Variants in CLGN observed in about 807,000 individuals in gnomAD.
CLGN encodes testis tissue sperm-binding protein Li 79P.
Under a neutral mutation model 79.1 loss-of-function variants are expected in CLGN, and 62 were observed. The observed-to-expected ratio is 0.78, with a 90% CI of 0.64 to 0.97. The LOEUF is 0.97. CLGN is among the 50% of genes least tolerant of loss of function. The pLI is 0.00. For missense variants in CLGN, 647 were observed against 715.5 expected (o/e 0.90, Z 1.09); for synonymous variants, 225 against 224.7 (o/e 1.00, Z -0.01).
chr4:140,416,391 CA>C (rs1729331675), intron 1 of CLGN, among the ~76,000 whole-genome samples: 1 of 141,102 alleles, frequency 7.1e-6, no homozygotes, highest in Non-Finnish European at 1.6e-5. Flanking sequence ...AAAAACCCTT[CA>C]AAAAATTAAT....
intron 10 of CLGN, among the ~76,000 whole-genome samples, chr4:140,395,160 T>G (rs1318479169): frequency 1.9e-4 from 5 of 25,794 alleles, no homozygotes; most frequent in Admixed American, 1.1e-3. Context: ...TGTTTTTTTG[T>G]TTTTTTGTTT....
At chr4:140,425,606 C>T (rs1729551124) in intron 1 of CLGN, among the ~76,000 whole-genome samples, 1 of 145,450 alleles carries the variant, frequency 6.9e-6, no homozygotes, top group Admixed American at 6.9e-5. Context: ...GTTTCTGTGA[C>T]ACATTTTTGT....
intron 14 of CLGN, 88 bp from the exon 15 acceptor site, chr4:140,389,392 A>T: frequency 1.1e-6 from 1 of 927,068 alleles, no homozygotes; most frequent in Non-Finnish European, 1.7e-6. Context: ...ATTCTCTAAA[A>T]TATATGTGCT....
In CLGN at chr4:140,392,220, TTTTTCA is replaced by T. The variant is rs1344374787; in HGVS notation, c.1644_1649del (p.Lys550_Glu551del). ...TATAAATCACTCTCATCATCTTACCTTTTTCAAGCATTTCACCATCATTTTGCTTTT... is the reference window on the plus strand; with the variant it reads ...TATAAATCACTCTCATCATCTTACCTAGCATTTCACCATCATTTTGCTTTT... On this transcript the variant is annotated inframe_deletion and splice_region_variant, in exon 13 of 15. Coordinates refer to ENST00000325617, the MANE Select transcript of CLGN (RefSeq NM_004362.3). 2 of 1,611,868 alleles carry T rather than the reference TTTTTCA, an allele frequency of 1.2e-6. No individual in the cohort carries two copies. The highest frequency in any genetic ancestry group is 1.7e-6 in the Non-Finnish European group (2 of 1,179,158).
chr4:140,410,029 G>GCATCTAAGT, intron 3 of CLGN, 134 bp from the exon 4 acceptor site: 1 of 564,322 alleles, frequency 1.8e-6, no homozygotes, highest in Non-Finnish European at 3.1e-6. Context: ...TTCATACTTA[G>GCATCTAAGT]ATGCTAAATA....
At chr4:140,395,635 T>C (rs1728858786) in intron 10 of CLGN, among the ~76,000 whole-genome samples, 184 bp downstream of exon 10, 1 of 152,190 alleles carries the variant, frequency 6.6e-6, no homozygotes, top group African/African-American at 2.4e-5. Context: ...GTGATTTATT[T>C]CCCCAGAAAA....
intron 6 of CLGN, among the ~76,000 whole-genome samples, chr4:140,401,145 C>T: frequency 6.6e-6 from 1 of 152,174 alleles, no homozygotes; most frequent in Non-Finnish European, 1.5e-5. Context: ...ACCTCCATTT[C>T]ATCACCTCTG....
chr4:140,398,178 A>G (rs1578595244), intron 8 of CLGN, among the ~76,000 whole-genome samples: 1 of 151,974 alleles, frequency 6.6e-6, no homozygotes, highest in Non-Finnish European at 1.5e-5. Flanking sequence ...TTCTTTTAGT[A>G]CTTTGTAAAA....
Position 140,410,556 on chromosome 4 carries a change from G to A in CLGN, c.215C>T (p.Ala72Val), listed in dbSNP as rs1729191091. 1 of 1,594,060 alleles carries A rather than the reference G, an allele frequency of 6.3e-7. No individual in the cohort carries two copies. ...FAETFDSGRL[A>V]GWVLSKAKKD... ...ATTCTCTTGAATGAATACTCACCCA[G>A]CCAACCTTCCACTATCAAAAGTTTC... Residue 72 changes from alanine to valine, a missense_variant, in exon 3 of 15, where the codon GCT becomes GTT. Physicochemically the swap from Ala to Val is moderately conservative, Grantham distance 64. Transcript: ENST00000325617.
intron 4 of CLGN, among the ~76,000 whole-genome samples, chr4:140,409,300 G>C (rs1392628966): frequency 6.6e-6 from 1 of 151,966 alleles, no homozygotes; most frequent in Non-Finnish European, 1.5e-5. Context: ...TCCTATTAGG[G>C]AAGACAATAT....
At chr4:140,412,235 T>C (rs888953318) in intron 2 of CLGN, among the ~76,000 whole-genome samples, 4 of 152,144 alleles carry the variant, frequency 2.6e-5, no homozygotes, top group Non-Finnish European at 5.9e-5. Flanking sequence ...AGTAAAGAAA[T>C]CTGTAACAAC....
At chr4:140,425,345 T>A (rs1279164429) in intron 1 of CLGN, among the ~76,000 whole-genome samples, 7 of 151,942 alleles carry the variant, frequency 4.6e-5, no homozygotes, top group Non-Finnish European at 2.9e-5. Context: ...AATTCCAAGG[T>A]AGGAAGTTGC....
rs1264283557 is a variant in CLGN, at chr4:140,398,972, C to T, written c.763G>A (p.Glu255Lys). 6.2e-7 allele frequency: 1 copy of T among 1,613,888 alleles called. No individual in the cohort carries two copies. The highest frequency in any genetic ancestry group is 2.2e-5 in the East Asian group (1 of 44,838). The change falls in exon 8 of 15, where the codon GAG becomes AAG. Residue 255 changes from glutamate to lysine, a missense_variant. Coordinates refer to ENST00000325617, the MANE Select transcript of CLGN (RefSeq NM_004362.3). Reference protein sequence around the residue: ...QTVVNKGSLLEDVVPPIKPPK... With the variant: ...QTVVNKGSLLKDVVPPIKPPK... Reference sequence around the variant, plus strand: ...GGTTTGATAGGAGGAACCACATCCTCTAGGAGGCTTCCTTTGTTTACAACT... The same window carrying T: ...GGTTTGATAGGAGGAACCACATCCTTTAGGAGGCTTCCTTTGTTTACAACT...
intron 5 of CLGN, among the ~76,000 whole-genome samples, chr4:140,402,988 A>G (rs1301357353): frequency 6.6e-6 from 1 of 152,164 alleles, no homozygotes; most frequent in East Asian, 1.9e-4. Context: ...TAGTGACAAG[A>G]AGGTAAAACA....
Position 140,402,093 on chromosome 4 carries a change from T to A in CLGN, c.420-27A>T, listed in dbSNP as rs771997066. 6 of 1,155,038 alleles carry A rather than the reference T, an allele frequency of 5.2e-6. No individual in the cohort carries two copies. The Admixed American group carries it at 1.4e-4, about 28-fold the overall frequency. 71.5% of individuals were successfully genotyped at this position (1,155,038 alleles called of 1,614,324 possible). A position where few individuals can be genotyped will look rare whatever the true frequency, so the allele number is the denominator to read the frequency against. On this transcript the variant is annotated intron_variant, in intron 5 of 14. Coordinates refer to ENST00000325617, the MANE Select transcript of CLGN (RefSeq NM_004362.3). ...TGAATAAAGGGAAAAAGAACCGTACTACTGATAAATAAAATTTACTAGTTG... is the reference window on the plus strand; with the variant it reads ...TGAATAAAGGGAAAAAGAACCGTACAACTGATAAATAAAATTTACTAGTTG...
At chr4:140,408,622 G>C (rs1360284836) in intron 4 of CLGN, among the ~76,000 whole-genome samples, 1 of 151,918 alleles carries the variant, frequency 6.6e-6, no homozygotes, top group Non-Finnish European at 1.5e-5. Flanking sequence ...AAACCACAAT[G>C]AGATACTACG....
intron 1 of CLGN, among the ~76,000 whole-genome samples, chr4:140,423,602 T>C (rs1729510838): frequency 6.6e-6 from 1 of 152,212 alleles, no homozygotes; most frequent in Non-Finnish European, 1.5e-5. Context: ...GGAGGACTGG[T>C]GTTAATTCTT....
In CLGN at chr4:140,402,024, T is replaced by G. The variant is rs765676730; in HGVS notation, c.462A>C (p.Ala154=). 3.8e-5 allele frequency: 61 copies of G among 1,586,474 alleles called. No individual in the cohort carries two copies. Among genetic ancestry groups the G allele is most frequent in the Admixed American group, 1.1e-4 (6 of 56,886 alleles). ...NFQDGIDCGG[A]YIKLLADTDD... ...CAGTGTCTGCTAGGAGTTTAATGTA[T>G]GCACCTCCACAATCAATACCATCTT... The change falls in exon 6 of 15, where the codon GCA becomes GCC. Residue 154 remains alanine, a synonymous_variant. Coordinates refer to ENST00000325617, the MANE Select transcript of CLGN (RefSeq NM_004362.3).
At chr4:140,413,889 C>CT (rs1729267399) in intron 1 of CLGN, among the ~76,000 whole-genome samples, 1 of 152,262 alleles carries the variant, frequency 6.6e-6, no homozygotes, top group Non-Finnish European at 1.5e-5. Flanking sequence ...TCTGTAGGCT[C>CT]CACCTCTGGG....
Sources: allele counts gnomAD v4.1 joint callset (sites outside exome capture counted in the v4.1 genomes callset), GRCh38; gene constraint gnomAD v4.1.1; transcripts MANE v1.5; gene names NCBI Gene and HGNC (gene_info 2026-07-23, HGNC 2026-07-21).